Variants in TXNRD2 observed in about 807,000 individuals in gnomAD.
The protein encoded by TXNRD2 is thioredoxin reductase 2, mitochondrial.
In TXNRD2, 67 loss-of-function variants were observed where a neutral mutation model predicts 70.8. The observed-to-expected ratio is 0.95, with a 90% CI of 0.78 to 1.16. The LOEUF is 1.16. TXNRD2 is among the 50% of genes most tolerant of loss of function. TXNRD2 has a pLI of 0.00. For synonymous variants in TXNRD2, 301 were observed against 295.8 expected, an observed-to-expected ratio of 1.02 and a Z score of -0.18; for missense variants, 644 against 719.9, an observed-to-expected ratio of 0.89 and a Z score of 1.21.
chr22:19,880,274 G>C lies in TXNRD2; in HGVS notation c.1183-3C>G, dbSNP rs1446833147. ...GGGGTGAAGACGGTCGTGGGAACCT[G>C]AAAGCAGGTCTGGAGTCAGGGAGGG... On this transcript the variant is annotated splice_region_variant and splice_polypyrimidine_tract_variant and intron_variant, in intron 13 of 17. Coordinates refer to ENST00000400521, the MANE Select transcript of TXNRD2 (RefSeq NM_006440.5). 2 of 1,613,418 alleles carry C rather than the reference G, an allele frequency of 1.2e-6. No homozygotes were observed. Among genetic ancestry groups the C allele is most frequent in the Admixed American group, 3.3e-5 (2 of 60,028 alleles).
Position 19,921,221 on chromosome 22 carries a change from C to A in TXNRD2, c.173-1622G>T, listed in dbSNP as rs185496580. ...CTTGAGCCCAGGAGTTTGAGACCAG[C>A]CTGGGCAATATAGCAAAACCCTGTC... On this transcript the variant is annotated intron_variant, in intron 2 of 17. Transcript: ENST00000400521. Among the ~76,000 whole-genome samples, 681 of 152,004 alleles carry A rather than the reference C, an allele frequency of 4.5e-3. 9 individuals are homozygous for A. Among genetic ancestry groups the A allele is most frequent in the Non-Finnish European group, 4.9e-3 (336 of 68,008 alleles).
intron 8 of TXNRD2, among the ~76,000 whole-genome samples, chr22:19,902,097 T>A (rs1368860622): frequency 6.6e-6 from 1 of 152,090 alleles, no homozygotes; most frequent in African/African-American, 2.4e-5. Context: ...CTCGGGAGGC[T>A]GAGGAAGGAG....
intron 10 of TXNRD2, among the ~76,000 whole-genome samples, chr22:19,896,375 A>G (rs1939509832): frequency 6.6e-6 from 1 of 152,224 alleles, no homozygotes; most frequent in Non-Finnish European, 1.5e-5. Context: ...AAAAACAAAA[A>G]CAAAAAACTT....
chr22:19,908,025 T>C (rs71312724), intron 8 of TXNRD2, among the ~76,000 whole-genome samples: 739 of 15,758 alleles, frequency 0.047, no homozygotes, highest in Middle Eastern at 0.071. Context: ...GCAGTGACCG[T>C]TCTCAGGAGA....
chr22:19,908,817 A>G (rs1024765057), intron 8 of TXNRD2, among the ~76,000 whole-genome samples: 4 of 152,252 alleles, frequency 2.6e-5, no homozygotes, highest in African/African-American at 9.6e-5. Flanking sequence ...AAATGCAGAT[A>G]CAACATGGAT....
intron 2 of TXNRD2, among the ~76,000 whole-genome samples, chr22:19,921,092 G>A (rs1008692965): frequency 2.1e-5 from 3 of 145,380 alleles, no homozygotes; most frequent in Non-Finnish European, 4.5e-5. Flanking sequence ...GGGTGACAGA[G>A]CGAGACTCTG....
intron 11 of TXNRD2, among the ~76,000 whole-genome samples, chr22:19,889,172 A>G (rs1259951043): frequency 6.6e-6 from 1 of 152,118 alleles, no homozygotes; most frequent in Non-Finnish European, 1.5e-5. Flanking sequence ...AGGCAGCATA[A>G]GGGCCTTTCC....
At position 19,931,080 on chromosome 22, in the gene TXNRD2, T is replaced by A; in HGVS notation, c.122A>T (p.Asp41Val). Residue 41 changes from aspartate to valine, a missense_variant, in exon 2 of 18, where the codon GAT (aspartate) becomes GTT (valine). By Grantham distance (152) the Asp-to-Val change is radical. This residue lies in a region of TXNRD2 where 566 missense variants were observed against 645.0 expected (regional missense o/e 0.88). Transcript: ENST00000400521. ...AGATCCCCCGCCGACCACCAGGAGA[T>A]CATAGTCCCGCTGACCTGCTGAGAG... Reference protein sequence around the residue: ...RGAAAGQRDYDLLVVGGGSGG... With the variant: ...RGAAAGQRDYVLLVVGGGSGG... 1 of 1,613,314 alleles carries A rather than the reference T, an allele frequency of 6.2e-7. No individual in the cohort carries two copies. Among genetic ancestry groups the A allele is most frequent in the Non-Finnish European group, 8.5e-7 (1 of 1,179,922 alleles).
At chr22:19,926,299 G>A (rs1384840956) in intron 2 of TXNRD2, among the ~76,000 whole-genome samples, 1 of 152,108 alleles carries the variant, frequency 6.6e-6, no homozygotes, top group Non-Finnish European at 1.5e-5. Flanking sequence ...AGACCAGCCT[G>A]GCCAACATGG....
intron 2 of TXNRD2, among the ~76,000 whole-genome samples, chr22:19,927,054 A>G (rs558127506): frequency 6.6e-6 from 1 of 151,986 alleles, no homozygotes; most frequent in Non-Finnish European, 1.5e-5. Context: ...AACACTTTGG[A>G]AGGCCAAGGT....
At chr22:19,901,528 T>C (rs769866961) in intron 8 of TXNRD2, among the ~76,000 whole-genome samples, 29 of 152,318 alleles carry the variant, frequency 1.9e-4, no homozygotes, top group African/African-American at 5.5e-4. Context: ...ATTGACAGCA[T>C]TGGTTTTCAC....
Position 19,919,590 on chromosome 22 carries a change from A to G in TXNRD2, c.182T>C (p.Leu61Pro). ...GTCCACCACGGCCACCTTCCTTCCCAGCTGGGCGGCTGGAAGGATAAGGAG... is the reference window on the plus strand; with the variant it reads ...GTCCACCACGGCCACCTTCCTTCCCGGCTGGGCGGCTGGAAGGATAAGGAG... ...GLACAKEAAQ[L>P]GRKVAVVDYV... is the part of the protein sequence containing the mutation. The change falls in exon 3 of 18, where the codon CTG becomes CCG. Residue 61 changes from leucine (L) to proline (P), a missense_variant. This residue lies in a region of TXNRD2 where 566 missense variants were observed against 645.0 expected (regional missense o/e 0.88). Coordinates refer to ENST00000400521, the MANE Select transcript of TXNRD2 (RefSeq NM_006440.5). 1 of 1,561,872 alleles carries G rather than the reference A, an allele frequency of 6.4e-7. No homozygotes were observed. The highest frequency in any genetic ancestry group is 1.2e-5 in the South Asian group (1 of 84,496).
intron 1 of TXNRD2, among the ~76,000 whole-genome samples, chr22:19,933,249 C>T (rs1346527197): frequency 1.3e-5 from 2 of 152,230 alleles, no homozygotes; most frequent in Non-Finnish European, 2.9e-5. Flanking sequence ...AACTCAAGGG[C>T]TCTGGAAAGG....
chr22:19,895,136 G>A, intron 11 of TXNRD2: 2 of 1,598,506 alleles, frequency 1.3e-6, no homozygotes, highest in Middle Eastern at 1.7e-4. Context: ...TGCCGTCTCA[G>A]TCTCTTCTCT....
intron 8 of TXNRD2, among the ~76,000 whole-genome samples, chr22:19,905,339 TG>T (rs753776977): frequency 6.6e-6 from 1 of 152,166 alleles, no homozygotes; most frequent in African/African-American, 2.4e-5. Context: ...ATCTTCTAAA[TG>T]TTTTTTTTCT....
In TXNRD2 at chr22:19,927,287, T is replaced by A. The variant is rs189326599; in HGVS notation, c.172+3743A>T. Among the ~76,000 whole-genome samples the A allele has an allele frequency of 5.4e-3, 821 of 151,424 alleles. 4 individuals are homozygous for A. Among genetic ancestry groups the A allele is most frequent in the Middle Eastern group, 0.01 (3 of 294 alleles). On this transcript the variant is annotated intron_variant, in intron 2 of 17. Transcript: ENST00000400521. ...CCAGCCTGGGTGACAAGAGCGAAAC[T>A]CGGTCTCAAAAAAATATATATATTA...
Position 19,878,253 on chromosome 22 carries a change from C to G in TXNRD2, c.1348-66G>C. 8 of 1,595,906 alleles carry G rather than the reference C, an allele frequency of 5.0e-6. No individual in the cohort carries two copies. In the South Asian group the frequency reaches 8.8e-5, roughly 18 times the overall value. On this transcript the variant is annotated intron_variant, in intron 15 of 17. Transcript: ENST00000400521. ...TGGGTTGCGTCCACCCTGCATCCAC[C>G]CTGCACCCTGCCTGGGAGGCATGGG... is the stretch of plus-strand genomic sequence containing the variant.
chr22:19,879,270 C>G (rs1938646487), intron 14 of TXNRD2, among the ~76,000 whole-genome samples: 1 of 152,144 alleles, frequency 6.6e-6, no homozygotes, highest in Non-Finnish European at 1.5e-5. Context: ...TGTCTCATCC[C>G]CAAAGGCCGC....
intron 2 of TXNRD2, among the ~76,000 whole-genome samples, chr22:19,930,590 G>T (rs1941319379): frequency 6.6e-6 from 1 of 152,122 alleles, no homozygotes; most frequent in South Asian, 2.1e-4. Context: ...CTAAGAACAA[G>T]GACAGGGACA....
Sources: gnomAD v4.1 joint callset for allele counts (sites outside exome capture counted in the v4.1 genomes callset) on GRCh38, gnomAD v4.1.1 for gene constraint, gnomAD v4.1.1 regional missense constraint, MANE v1.5 for transcripts, NCBI Gene and HGNC (gene_info 2026-07-23, HGNC 2026-07-21) for gene names.